The following GLRA1 variants were observed in gnomAD, a reference collection of about 807,000 sequenced individuals.
GLRA1 encodes the protein glycine receptor subunit alpha-1.
GLRA1 carries 37 observed loss-of-function variants against 48.3 expected under a neutral mutation model. The ratio of observed to expected loss-of-function variants is 0.77; its 90% confidence interval spans 0.59 to 1.01. GLRA1 has a LOEUF of 1.01. Ranked by LOEUF, GLRA1 falls within the 50% of genes least tolerant of loss-of-function variation. GLRA1 has a pLI of 0.00. For missense variants in GLRA1, 427 were observed against 571.0 expected, an observed-to-expected ratio of 0.75 and a Z score of 2.57; for synonymous variants, 196 against 210.7, an observed-to-expected ratio of 0.93 and a Z score of 0.60.
rs1400838314 is a variant in GLRA1 at position 151,849,268 on chromosome 5, CTCTCTCTTCCTTTCTT to C, written c.912+2106_912+2121del. Reference sequence around the variant, plus strand: ...TTCCTTCCCTTCTTTCTTTCTCTCTCTCTCTCTTCCTTTCTTTCTCTCTCTTCTTTCTTTCTTTCCC... The same window carrying C: ...TTCCTTCCCTTCTTTCTTTCTCTCTCTCTCTCTCTTCTTTCTTTCTTTCCC... On this transcript the variant is annotated intron_variant, in intron 7 of 8. Transcript: ENST00000274576. Among the ~76,000 whole-genome samples, 5 of 107,384 alleles carry C rather than the reference CTCTCTCTTCCTTTCTT, an allele frequency of 4.7e-5. 1 individual carries two copies. Among genetic ancestry groups the C allele is most frequent in the Non-Finnish European group, 9.3e-5 (5 of 53,908 alleles). 70.4% of individuals were successfully genotyped at this position (107,384 alleles called of 152,430 possible).
At chr5:151,830,349 C>T (rs1581598358) in intron 7 of GLRA1, among the ~76,000 whole-genome samples, 2 of 152,334 alleles carry the variant, frequency 1.3e-5, no homozygotes, top group African/African-American at 4.8e-5. Context: ...ATAGTAATTG[C>T]CACCTGAGGC....
chr5:151,846,628 T>C (rs1010918790), intron 7 of GLRA1, among the ~76,000 whole-genome samples: 1 of 152,152 alleles, frequency 6.6e-6, no homozygotes, highest in African/African-American at 2.4e-5. Flanking sequence ...ATGTTGTGTC[T>C]CACGTTAAAA....
intron 7 of GLRA1, chr5:151,848,838 C>T: frequency 1.8e-6 from 1 of 544,716 alleles, no homozygotes; most frequent in South Asian, 1.9e-5. Flanking sequence ...ACTCTCATGG[C>T]CTACCTTTAC....
At chr5:151,872,963 A>G (rs537079266) in intron 3 of GLRA1, among the ~76,000 whole-genome samples, 1 of 149,804 alleles carries the variant, frequency 6.7e-6, no homozygotes, top group Non-Finnish European at 1.5e-5. Flanking sequence ...AAAGGGGACT[A>G]GTATGGTGTC....
intron 8 of GLRA1, among the ~76,000 whole-genome samples, chr5:151,824,628 T>A (rs1763226278): frequency 1.3e-5 from 2 of 152,184 alleles, no homozygotes; most frequent in South Asian, 4.1e-4. Context: ...CCATCTCTTG[T>A]CTCCAACTCC....
At chr5:151,840,389 G>T (rs774875359) in intron 7 of GLRA1, among the ~76,000 whole-genome samples, 10 of 152,140 alleles carry the variant, frequency 6.6e-5, no homozygotes, top group African/African-American at 2.4e-4. Context: ...ATGAGCAACT[G>T]CACTCACAAA....
In GLRA1 at chr5:151,848,754, C is replaced by G. The variant is rs73285935; in HGVS notation, c.912+2636G>C. On this transcript the variant is annotated intron_variant, in intron 7 of 8. Coordinates refer to ENST00000274576, the MANE Select transcript of GLRA1 (RefSeq NM_000171.4). Reference sequence around the variant, plus strand: ...TGTAATAAATCTTAGCTGTGGAGAGCTGAGAATGGGAGAAGAGCGGAGTGT... The same window carrying G: ...TGTAATAAATCTTAGCTGTGGAGAGGTGAGAATGGGAGAAGAGCGGAGTGT... The G allele has an allele frequency of 7.1e-3, 1,942 of 273,586 alleles. 37 individuals are homozygous for G. The highest frequency in any genetic ancestry group is 0.041 in the African/African-American group (1,835 of 45,022). 16.9% of individuals were successfully genotyped at this position (273,586 alleles called of 1,614,324 possible).
chr5:151,845,452 G>C (rs535737486), intron 7 of GLRA1, among the ~76,000 whole-genome samples: 1 of 152,014 alleles, frequency 6.6e-6, no homozygotes, highest in South Asian at 2.1e-4. Flanking sequence ...GATACAGAAG[G>C]GATCAATAAG....
At chr5:151,889,958 A>C (rs1309357325) in intron 2 of GLRA1, among the ~76,000 whole-genome samples, 2 of 152,104 alleles carry the variant, frequency 1.3e-5, no homozygotes, top group Non-Finnish European at 2.9e-5. Context: ...GACGGGCCTA[A>C]AAGATGAACT....
intron 7 of GLRA1, among the ~76,000 whole-genome samples, chr5:151,836,022 A>G (rs1581603023): frequency 6.6e-6 from 1 of 152,162 alleles, no homozygotes; most frequent in East Asian, 1.9e-4. Flanking sequence ...GTCAAATTAT[A>G]TCTGTTTGCA....
intron 8 of GLRA1, among the ~76,000 whole-genome samples, chr5:151,826,388 T>A (rs974692685): frequency 2.0e-5 from 3 of 152,236 alleles, no homozygotes; most frequent in Non-Finnish European, 4.4e-5. Context: ...TTAGTTTTTA[T>A]TTAAGATCTA....
Position 151,924,719 on chromosome 5 carries a change from C to A in GLRA1, c.-170G>T, listed in dbSNP as rs1019955206. On this transcript the variant is annotated 5_prime_UTR_variant, in exon 1 of 9. Coordinates refer to ENST00000274576, the MANE Select transcript of GLRA1 (RefSeq NM_000171.4). ...CCAGGGGAAATTGGAGCGAGGGGGT[C>A]GTAGATACCACGGACAGCGGCGGCT... 2 of 682,570 alleles carry A rather than the reference C, an allele frequency of 2.9e-6. No homozygotes were observed. The highest frequency in any genetic ancestry group is 1.8e-5 in the African/African-American group (1 of 56,368). The allele number at this position is 682,570 out of a possible 1,614,324, so 42.3% of individuals were successfully genotyped here.
chr5:151,892,425 T>G lies in GLRA1; in HGVS notation c.70A>C (p.Lys24Gln). 1 of 1,614,056 alleles carries G rather than the reference T, an allele frequency of 6.2e-7. No homozygotes were observed. ...TIVFFSLAAS[K>Q]EAEAARSAPK... ...GCGGAGCGAGCAGCTTCAGCCTCCTTAGAAGCAGCAAGGCTAAGGAGGAAG... is the reference window on the plus strand; with the variant it reads ...GCGGAGCGAGCAGCTTCAGCCTCCTGAGAAGCAGCAAGGCTAAGGAGGAAG... The change falls in exon 2 of 9, where the codon AAG becomes CAG. Residue 24 changes from lysine to glutamine, a missense_variant. Transcript: ENST00000274576.
chr5:151,886,864 A>G, intron 2 of GLRA1, 76 bp from the exon 3 acceptor site: 1 of 1,044,922 alleles, frequency 9.6e-7, no homozygotes, highest in East Asian at 2.4e-5. Context: ...TTCCCAGAAC[A>G]CTGACTTCTG....
In GLRA1 at chr5:151,823,143, G is replaced by T. The variant is rs550996843; in HGVS notation, c.1060-180C>A. 2.5e-4 allele frequency among the ~76,000 whole-genome samples: 38 copies of T among 152,294 alleles called. No individual in the cohort carries two copies. In the South Asian group the frequency reaches 7.1e-3, roughly 28 times the overall value. On this transcript the variant is annotated intron_variant, in intron 8 of 8. Transcript: ENST00000274576. ...CTGGGGAGTTCTGCCTTATAGAGGG[G>T]CGCCACTTGCCTGCTGAAACAGATG...
intron 7 of GLRA1, 48 bp downstream of exon 7, chr5:151,851,342 T>G (rs1489141342): frequency 3.3e-6 from 4 of 1,210,474 alleles, no homozygotes; most frequent in Non-Finnish European, 4.9e-6. Flanking sequence ...AAGTAGGTGC[T>G]GTCCTTATTT....
intron 6 of GLRA1, among the ~76,000 whole-genome samples, chr5:151,854,682 A>G (rs555182460): frequency 3.3e-4 from 51 of 152,300 alleles, no homozygotes; most frequent in African/African-American, 1.2e-3. Flanking sequence ...GTCTATTGTG[A>G]GCATTCTCTC....
chr5:151,860,377 A>C (rs1753164355), intron 3 of GLRA1, among the ~76,000 whole-genome samples: 1 of 152,212 alleles, frequency 6.6e-6, no homozygotes, highest in South Asian at 2.1e-4. Context: ...AAATAAGAGA[A>C]AAAATACATT....
At chr5:151,910,229 C>T (rs113654691) in intron 1 of GLRA1, among the ~76,000 whole-genome samples, 21 of 152,150 alleles carry the variant, frequency 1.4e-4, no homozygotes, top group African/African-American at 5.1e-4. Context: ...TACAGGTTGC[C>T]TTTTATTAAG....
Sources: allele counts gnomAD v4.1 joint callset (sites outside exome capture counted in the v4.1 genomes callset), GRCh38; gene constraint gnomAD v4.1.1; transcripts MANE v1.5; gene names NCBI Gene and HGNC (gene_info 2026-07-23, HGNC 2026-07-21).